Variants in PCSK5 observed in about 807,000 individuals in gnomAD.
The protein encoded by PCSK5 is prohormone convertase 5.
In PCSK5, 129 loss-of-function variants were observed where a neutral mutation model predicts 233.2. That is an observed-to-expected ratio of 0.55 (90% CI 0.48 to 0.64). The LOEUF (loss-of-function observed/expected upper bound fraction) is 0.64. PCSK5 is among the 30% of genes least tolerant of loss of function. The pLI is 0.00. For missense variants in PCSK5, 2,076 were observed against 2,430.1 expected, an observed-to-expected ratio of 0.85 and a Z score of 3.06; for synonymous variants, 825 against 879.2, an observed-to-expected ratio of 0.94 and a Z score of 1.09.
rs542796470 is a variant in PCSK5, at chr9:75,934,961, A to G, written c.297+2478A>G. On this transcript the variant is annotated intron_variant, in intron 2 of 37. Coordinates refer to ENST00000674117, the MANE Select transcript of PCSK5 (RefSeq NM_001372043.1). ...AATTTGCAAACATGAAAATGTTACA[A>G]AGAATTTCTATATACTCTTCCTAGA... is the stretch of plus-strand genomic sequence containing the variant. Among the ~76,000 whole-genome samples the G allele has an allele frequency of 4.7e-4, 71 of 152,302 alleles. 1 individual carries two copies. The highest frequency in any genetic ancestry group is 1.4e-3 in the African/African-American group (60 of 41,550).
intron 10 of PCSK5, among the ~76,000 whole-genome samples, chr9:76,139,869 T>C (rs1823136042): frequency 6.6e-6 from 1 of 152,126 alleles, no homozygotes; most frequent in South Asian, 2.1e-4. Flanking sequence ...GCCTGGTAGA[T>C]GATTTACCCA....
intron 37 of PCSK5, among the ~76,000 whole-genome samples, chr9:76,355,019 A>T (rs1830262758): frequency 6.6e-6 from 1 of 152,174 alleles, no homozygotes; most frequent in South Asian, 2.1e-4. Context: ...GAGACTTATG[A>T]CATTTTAGAA....
At position 76,251,624 on chromosome 9, in the gene PCSK5, A is replaced by G. The variant is rs530790009; in HGVS notation, c.3142+10940A>G. On this transcript the variant is annotated intron_variant, in intron 24 of 37. Coordinates refer to ENST00000674117, the MANE Select transcript of PCSK5 (RefSeq NM_001372043.1). The stretch of plus-strand genomic sequence containing the variant: ...AGTACTTCAACATTAGAATGATTCC[A>G]TTAATATTCTCTTTGCTGATTCTGT... Among the ~76,000 whole-genome samples, 21 of 151,974 alleles carry G rather than the reference A, an allele frequency of 1.4e-4. 1 individual carries two copies. Among genetic ancestry groups the G allele is most frequent in the African/African-American group, 5.1e-4 (21 of 41,406 alleles).
chr9:76,116,038 C>G (rs550558810), intron 9 of PCSK5, among the ~76,000 whole-genome samples: 4 of 152,206 alleles, frequency 2.6e-5, no homozygotes, highest in Admixed American at 6.5e-5. Context: ...CTGATACCAA[C>G]ATTCTTTTTT....
In PCSK5 at chr9:76,039,906, G is replaced by C. The variant is rs1258376843; in HGVS notation, c.632+12869G>C. Reference sequence around the variant, plus strand: ...TCTCATGACAGAATGAGAAAAAAGAGCAAATCTCAGGTTCCCTCGAATGGC... The same window carrying C: ...TCTCATGACAGAATGAGAAAAAAGACCAAATCTCAGGTTCCCTCGAATGGC... On this transcript the variant is annotated intron_variant, in intron 5 of 37. Transcript: ENST00000674117. Among the ~76,000 whole-genome samples the C allele has an allele frequency of 2.0e-5, 3 of 152,340 alleles. No homozygotes were observed. In the East Asian group the frequency reaches 5.8e-4, roughly 29 times the overall value.
intron 2 of PCSK5, among the ~76,000 whole-genome samples, chr9:75,950,438 C>T (rs189872404): frequency 4.6e-5 from 7 of 152,048 alleles, no homozygotes; most frequent in Admixed American, 3.3e-4. Flanking sequence ...ATTTGAAAGG[C>T]CTAAATTATT....
At chr9:76,138,254 A>C (rs1339245) in intron 10 of PCSK5, among the ~76,000 whole-genome samples, 33,011 of 151,776 alleles carry the variant, frequency 0.22, 3,817 homozygotes, top group Middle Eastern at 0.36. Context: ...TCAAGCCCCG[A>C]CAATCTGCCA....
At chr9:76,237,061 C>T (rs965466797) in intron 22 of PCSK5, among the ~76,000 whole-genome samples, 12 of 152,052 alleles carry the variant, frequency 7.9e-5, no homozygotes, top group African/African-American at 2.7e-4. Flanking sequence ...CTACCTACAC[C>T]AGAGAAATTG....
chr9:76,074,935 G>A (rs1204253752), intron 7 of PCSK5, among the ~76,000 whole-genome samples: 1 of 152,010 alleles, frequency 6.6e-6, no homozygotes, highest in Non-Finnish European at 1.5e-5. Context: ...ATAATATGAT[G>A]CAGGCCGGGT....
chr9:76,355,439 C>G lies in PCSK5; in HGVS notation c.5254+1220C>G, dbSNP rs527703168. 2.1e-3 allele frequency among the ~76,000 whole-genome samples: 320 copies of G among 152,084 alleles called. 1 individual carries two copies. Among genetic ancestry groups the G allele is most frequent in the African/African-American group, 6.5e-3 (268 of 41,502 alleles). ...AGTGAGCCAAGATCGTGCCACTGCACTCCAGCCTGGGTGACAGAGCGAGAC... is the reference window on the plus strand; with the variant it reads ...AGTGAGCCAAGATCGTGCCACTGCAGTCCAGCCTGGGTGACAGAGCGAGAC... On this transcript the variant is annotated intron_variant, in intron 37 of 37. Transcript: ENST00000674117.
At chr9:75,923,014 G>A (rs927797413) in intron 1 of PCSK5, among the ~76,000 whole-genome samples, 1 of 152,148 alleles carries the variant, frequency 6.6e-6, no homozygotes, top group African/African-American at 2.4e-5. Flanking sequence ...TATTAGTGAG[G>A]GCGAGGAGGT....
At chr9:75,991,202 G>T (rs142052915) in intron 3 of PCSK5, among the ~76,000 whole-genome samples, 4 of 152,280 alleles carry the variant, frequency 2.6e-5, no homozygotes, top group African/African-American at 7.2e-5. Context: ...TACTTGTAAC[G>T]TAATTCTACA....
At chr9:76,054,558 A>T (rs1829753354) in intron 5 of PCSK5, among the ~76,000 whole-genome samples, 1 of 152,310 alleles carries the variant, frequency 6.6e-6, no homozygotes, top group African/African-American at 2.4e-5. Context: ...AGTTGATGTT[A>T]TTTTATTGCC....
At chr9:75,909,807 G>A (rs549992100) in intron 1 of PCSK5, among the ~76,000 whole-genome samples, 1 of 152,196 alleles carries the variant, frequency 6.6e-6, no homozygotes, top group Non-Finnish European at 1.5e-5. Context: ...TCCACTGAAT[G>A]TTTCTGGTTC....
chr9:75,999,503 G>A (rs1053438470), intron 3 of PCSK5, among the ~76,000 whole-genome samples: 5 of 152,234 alleles, frequency 3.3e-5, no homozygotes, highest in Non-Finnish European at 5.9e-5. Flanking sequence ...TATGGAAAGC[G>A]AAGGGATGGG....
intron 24 of PCSK5, among the ~76,000 whole-genome samples, chr9:76,244,428 A>G (rs574425744): frequency 1.3e-4 from 20 of 152,232 alleles, no homozygotes; most frequent in Non-Finnish European, 1.3e-4. Flanking sequence ...ACTTAACTTT[A>G]TTCCATTTTA....
At chr9:76,311,393 T>C (rs2131439762) in intron 30 of PCSK5, among the ~76,000 whole-genome samples, 2 of 152,120 alleles carry the variant, frequency 1.3e-5, no homozygotes, top group African/African-American at 4.8e-5. Flanking sequence ...ATATTAATGA[T>C]CAACTGATGT....
chr9:76,006,626 T>C (rs558099714), intron 3 of PCSK5, among the ~76,000 whole-genome samples: 1 of 152,294 alleles, frequency 6.6e-6, no homozygotes, highest in South Asian at 2.1e-4. Context: ...CACGTTTCCT[T>C]ATTCTTCTTC....
intron 2 of PCSK5, among the ~76,000 whole-genome samples, chr9:75,982,357 G>A (rs757883846): frequency 7.2e-5 from 11 of 152,128 alleles, no homozygotes; most frequent in South Asian, 6.2e-4. Context: ...TACTTCTTTC[G>A]TCCTTTTTAA....
Sources: gnomAD v4.1 joint callset for allele counts (sites outside exome capture counted in the v4.1 genomes callset) on GRCh38, gnomAD v4.1.1 for gene constraint, MANE v1.5 for transcripts, NCBI Gene and HGNC (gene_info 2026-07-23, HGNC 2026-07-21) for gene names.